The following LRRC4C variants were observed in gnomAD, a reference collection of about 807,000 sequenced individuals.
LRRC4C encodes leucine rich repeat containing 4C, also known as leucine-rich repeat-containing protein 4C.
LRRC4C carries 5 observed loss-of-function variants against 33.6 expected under a neutral mutation model. The observed-to-expected ratio is 0.15, with a 90% CI of 0.08 to 0.31. The LOEUF (loss-of-function observed/expected upper bound fraction) is 0.31. Ranked by LOEUF, LRRC4C falls within the 10% of genes least tolerant of loss-of-function variation. The pLI is 1.00. For synonymous variants in LRRC4C, 329 were observed against 302.0 expected (o/e 1.09, Z -0.93); for missense variants, 560 against 796.7 (o/e 0.70, Z 3.58).
At chr11:40,686,968 C>A (rs975372402) in intron 2 of LRRC4C, among the ~76,000 whole-genome samples, 1 of 152,046 alleles carries the variant, frequency 6.6e-6, no homozygotes, top group Non-Finnish European at 1.5e-5. Context: ...AGGCCACACG[C>A]AAGACTTCCT....
intron 1 of LRRC4C, among the ~76,000 whole-genome samples, chr11:40,954,209 T>G (rs75320297): frequency 0.018 from 2,774 of 152,006 alleles, 45 homozygotes; most frequent in Middle Eastern, 0.034. Flanking sequence ...CATGTAACAT[T>G]AGGTAAACTC....
chr11:41,136,689 G>C (rs1387174958), intron 1 of LRRC4C, among the ~76,000 whole-genome samples: 1 of 152,060 alleles, frequency 6.6e-6, no homozygotes, highest in Non-Finnish European at 1.5e-5. Flanking sequence ...CCACGTCTAT[G>C]CACATCTCGT....
chr11:40,875,995 G>A lies in LRRC4C; in HGVS notation c.-407+57640C>T, dbSNP rs1016580128. Among the ~76,000 whole-genome samples, 4 of 152,094 alleles carry A rather than the reference G, an allele frequency of 2.6e-5. No homozygotes were observed. The South Asian group carries it at 8.3e-4, about 32-fold the overall frequency. ...CCAGTCTACTTTGTAATCTCGTTTT[G>A]GTTGCTGTCACTGTAGAAAATCCTG... On this transcript the variant is annotated intron_variant, in intron 2 of 6. Transcript: ENST00000528697.
At chr11:40,470,615 A>C (rs571291760) in intron 3 of LRRC4C, among the ~76,000 whole-genome samples, 1 of 152,174 alleles carries the variant, frequency 6.6e-6, no homozygotes, top group Non-Finnish European at 1.5e-5. Flanking sequence ...TTCTAACCCA[A>C]TGCAAGGAAG....
intron 1 of LRRC4C, among the ~76,000 whole-genome samples, chr11:40,936,911 G>A (rs149019809): frequency 1.3e-5 from 2 of 152,212 alleles, no homozygotes; most frequent in East Asian, 3.9e-4. Flanking sequence ...ATACAGCAGC[G>A]TTCCAAGAAG....
intron 2 of LRRC4C, among the ~76,000 whole-genome samples, chr11:40,652,059 C>T (rs1319269001): frequency 6.6e-6 from 1 of 152,076 alleles, no homozygotes; most frequent in Admixed American, 6.6e-5. Context: ...GAATATTTTA[C>T]AGAAAAGGCT....
chr11:41,428,286 T>A (rs1252799700), intron 1 of LRRC4C, among the ~76,000 whole-genome samples: 2 of 152,132 alleles, frequency 1.3e-5, no homozygotes, highest in African/African-American at 4.8e-5. Context: ...TGAGGTCAAC[T>A]CTGAGAATTA....
intron 1 of LRRC4C, among the ~76,000 whole-genome samples, chr11:41,287,756 T>C (rs1293712611): frequency 6.6e-6 from 1 of 152,220 alleles, no homozygotes; most frequent in South Asian, 2.1e-4. Context: ...TGGCCTAATA[T>C]TTTGAGTCCA....
intron 1 of LRRC4C, among the ~76,000 whole-genome samples, chr11:41,435,867 C>A (rs1335944327): frequency 2.6e-5 from 4 of 152,118 alleles, no homozygotes; most frequent in African/African-American, 9.7e-5. Context: ...TTCTTGAATT[C>A]TTCAAATAAT....
At chr11:40,736,856 GGTT>G (rs1947891608) in intron 2 of LRRC4C, among the ~76,000 whole-genome samples, 1 of 76,150 alleles carries the variant, frequency 1.3e-5, no homozygotes, top group South Asian at 3.8e-4. Context: ...TTTTTGATGC[GGTT>G]GTTTTTTTTT....
chr11:41,176,353 T>G (rs1945198716), intron 1 of LRRC4C, among the ~76,000 whole-genome samples: 1 of 152,154 alleles, frequency 6.6e-6, no homozygotes, highest in African/African-American at 2.4e-5. Context: ...GACAATAATC[T>G]TTAAAATTTA....
chr11:40,659,121 G>A (rs1943284911), intron 2 of LRRC4C, among the ~76,000 whole-genome samples: 1 of 152,230 alleles, frequency 6.6e-6, no homozygotes, highest in Admixed American at 6.5e-5. Flanking sequence ...CTGCTCCTGT[G>A]TCTGGCCTCT....
At chr11:40,948,474 G>A (rs1295680203) in intron 1 of LRRC4C, among the ~76,000 whole-genome samples, 6 of 147,534 alleles carry the variant, frequency 4.1e-5, no homozygotes, top group Non-Finnish European at 7.5e-5. Flanking sequence ...CCACTAACTC[G>A]TCATCTAGCA....
chr11:40,946,003 C>G (rs1958380787), intron 1 of LRRC4C, among the ~76,000 whole-genome samples: 1 of 152,068 alleles, frequency 6.6e-6, no homozygotes, highest in Admixed American at 6.6e-5. Flanking sequence ...TTGCATAATG[C>G]TGAGGTTTGG....
chr11:40,346,583 G>A (rs1229349967), intron 3 of LRRC4C, among the ~76,000 whole-genome samples: 2 of 152,090 alleles, frequency 1.3e-5, no homozygotes, highest in African/African-American at 2.4e-5. Flanking sequence ...GAGGATCAGG[G>A]AAAGTAATTA....
intron 4 of LRRC4C, among the ~76,000 whole-genome samples, chr11:40,267,640 CG>C (rs1322595802): frequency 1.3e-5 from 2 of 152,120 alleles, no homozygotes; most frequent in African/African-American, 4.8e-5. Flanking sequence ...CGTGAGCCAC[CG>C]CGCCTGGCCC....
chr11:40,401,041 G>T (rs748308773), intron 3 of LRRC4C, among the ~76,000 whole-genome samples: 5 of 152,104 alleles, frequency 3.3e-5, no homozygotes, highest in Admixed American at 6.6e-5. Flanking sequence ...TAAAAGGATG[G>T]TTGATTGCTG....
chr11:40,613,451 A>G (rs939489534), intron 3 of LRRC4C, among the ~76,000 whole-genome samples: 61 of 151,970 alleles, frequency 4.0e-4, no homozygotes, highest in African/African-American at 1.4e-3. Flanking sequence ...GCAGCAACTC[A>G]GCCACCTCTT....
At chr11:40,557,108 T>C (rs1957361246) in intron 3 of LRRC4C, among the ~76,000 whole-genome samples, 2 of 152,232 alleles carry the variant, frequency 1.3e-5, no homozygotes, top group Non-Finnish European at 2.9e-5. Context: ...CATATTGATA[T>C]TGAAATAAAA....
Sources: gnomAD v4.1 joint callset for allele counts (sites outside exome capture counted in the v4.1 genomes callset) on GRCh38, gnomAD v4.1.1 for gene constraint, MANE v1.5 for transcripts, NCBI Gene and HGNC (gene_info 2026-07-23, HGNC 2026-07-21) for gene names.